The following CPNE8 variants were observed in gnomAD, a reference collection of about 807,000 sequenced individuals.
The protein encoded by CPNE8 is copine 8, also known as copine-8.
In CPNE8, 45 loss-of-function variants were observed where a neutral mutation model predicts 81.5. The observed-to-expected ratio is 0.55, with a 90% CI of 0.44 to 0.71. The LOEUF (loss-of-function observed/expected upper bound fraction) is 0.71. Among genes scored for constraint, CPNE8 ranks in the 30% least tolerant of loss-of-function variants. The pLI is 0.00. For missense variants in CPNE8, 594 were observed against 672.1 expected (o/e 0.88, Z 1.28); for synonymous variants, 252 against 226.3 (o/e 1.11, Z -1.02).
At chr12:38,885,982 C>T (rs1944232363) in intron 1 of CPNE8, among the ~76,000 whole-genome samples, 1 of 152,180 alleles carries the variant, frequency 6.6e-6, no homozygotes, top group South Asian at 2.1e-4. Context: ...ACCTGTACAG[C>T]ATACAGAACG....
At position 38,894,105 on chromosome 12, in the gene CPNE8, G is replaced by T. The variant is rs1187150262; in HGVS notation, c.98+11332C>A. Among the ~76,000 whole-genome samples the T allele has an allele frequency of 3.3e-5, 5 of 152,108 alleles. No individual in the cohort carries two copies. The East Asian group carries it at 9.7e-4, about 29-fold the overall frequency. On this transcript the variant is annotated intron_variant, in intron 1 of 19. Coordinates refer to ENST00000331366, the MANE Select transcript of CPNE8 (RefSeq NM_153634.3). The stretch of plus-strand genomic sequence containing the variant: ...TGACCAGAGACTCAACCTTTCTATA[G>T]GATCTAAGATCCAGTGAAGTGGCAT...
chr12:38,810,798 C>T (rs1942920458), intron 6 of CPNE8, among the ~76,000 whole-genome samples: 1 of 152,134 alleles, frequency 6.6e-6, no homozygotes, highest in South Asian at 2.1e-4. Flanking sequence ...CTGAGAGAGA[C>T]TTCACTTCCA....
At chr12:38,731,914 A>C (rs1438832040) in intron 10 of CPNE8, among the ~76,000 whole-genome samples, 1 of 151,490 alleles carries the variant, frequency 6.6e-6, no homozygotes, top group Non-Finnish European at 1.5e-5. Context: ...TGCACTCTTA[A>C]AATTTTCTGA....
chr12:38,852,586 G>A (rs1292770504), intron 3 of CPNE8, among the ~76,000 whole-genome samples: 1 of 152,104 alleles, frequency 6.6e-6, no homozygotes, highest in Non-Finnish European at 1.5e-5. Context: ...TGGGCAACAA[G>A]AGTGAAACTC....
At chr12:38,902,187 G>T (rs372001994) in intron 1 of CPNE8, among the ~76,000 whole-genome samples, 8 of 98,334 alleles carry the variant, frequency 8.1e-5, no homozygotes, top group African/African-American at 2.6e-4. Context: ...AGAGAAAAAA[G>T]AAAAGAGAAA....
At chr12:38,903,328 A>ATTT (rs56748675) in intron 1 of CPNE8, among the ~76,000 whole-genome samples, 7,812 of 151,750 alleles carry the variant, frequency 0.051, 644 homozygotes, top group African/African-American at 0.18. Flanking sequence ...CTCTTTCAGG[A>ATTT]TTTTTTTTTC....
chr12:38,713,969 ATC>A (rs1940324739), intron 13 of CPNE8, among the ~76,000 whole-genome samples: 1 of 152,114 alleles, frequency 6.6e-6, no homozygotes, highest in Non-Finnish European at 1.5e-5. Context: ...AAAATTTGTG[ATC>A]TGTTTTCCCC....
rs576441424 is a variant in CPNE8 at position 38,782,190 on chromosome 12, T to C, written c.408-5889A>G. On this transcript the variant is annotated intron_variant, in intron 6 of 19. Coordinates refer to ENST00000331366, the MANE Select transcript of CPNE8 (RefSeq NM_153634.3). ...GAATTTTCTGTACTATTGTAACTTT[T>C]CTATAAACATAAAACTATTCTAAAA... Among the ~76,000 whole-genome samples, 144 of 152,274 alleles carry C rather than the reference T, an allele frequency of 9.5e-4. 1 individual carries two copies. Among genetic ancestry groups the C allele is most frequent in the African/African-American group, 3.3e-3 (138 of 41,580 alleles).
chr12:38,879,784 G>A lies in CPNE8; in HGVS notation c.99-5273C>T, dbSNP rs189196485. Reference sequence around the variant, plus strand: ...CAGAGTAAAGGCAATTTTGCTATTTGTGATCTTTTTAAAGTTCTAATTTAA... The same window carrying A: ...CAGAGTAAAGGCAATTTTGCTATTTATGATCTTTTTAAAGTTCTAATTTAA... On this transcript the variant is annotated intron_variant, in intron 1 of 19. Transcript: ENST00000331366. Among the ~76,000 whole-genome samples the A allele has an allele frequency of 3.0e-4, 46 of 151,920 alleles. 1 individual carries two copies. The highest frequency in any genetic ancestry group is 5.2e-4 in the Non-Finnish European group (35 of 67,958).
intron 11 of CPNE8, among the ~76,000 whole-genome samples, chr12:38,727,061 G>C (rs1940717788): frequency 6.6e-6 from 1 of 152,270 alleles, no homozygotes; most frequent in East Asian, 1.9e-4. Flanking sequence ...GAATGATAGA[G>C]TAAGGCCCTC....
chr12:38,887,911 C>G (rs1034199071), intron 1 of CPNE8, among the ~76,000 whole-genome samples: 1 of 152,166 alleles, frequency 6.6e-6, no homozygotes, highest in Non-Finnish European at 1.5e-5. Flanking sequence ...AAGCAGTAAC[C>G]ACATTTCAGC....
chr12:38,812,760 T>G (rs1304767266), intron 6 of CPNE8, among the ~76,000 whole-genome samples: 1 of 152,224 alleles, frequency 6.6e-6, no homozygotes, highest in Non-Finnish European at 1.5e-5. Context: ...CTTCTCACTC[T>G]TCTGCTCTTC....
chr12:38,685,377 G>T, intron 16 of CPNE8, 113 bp downstream of exon 16: 1 of 1,129,714 alleles, frequency 8.9e-7, no homozygotes, highest in South Asian at 1.7e-5. Context: ...CACTTTCTTG[G>T]AGGTAAACTA....
Position 38,760,870 on chromosome 12 carries a change from C to A in CPNE8, c.699G>T (p.Val233=). ...GDYDRTIKVE[V]YDWDRDGSHD... ...ACCTTCCATCTCGGTCCCAGTCATA[C>A]ACCTCTACTTTGATTGTTCTGTACA... Residue 233 remains valine (V), a synonymous_variant, in exon 10 of 20, where the codon GTG becomes GTT. Transcript: ENST00000331366. 1 of 1,580,954 alleles carries A rather than the reference C, an allele frequency of 6.3e-7. No individual in the cohort carries two copies. The highest frequency in any genetic ancestry group is 8.6e-7 in the Non-Finnish European group (1 of 1,169,118).
At chr12:38,720,405 T>G (rs1217809311) in intron 13 of CPNE8, among the ~76,000 whole-genome samples, 1 of 152,194 alleles carries the variant, frequency 6.6e-6, no homozygotes, top group Non-Finnish European at 1.5e-5. Flanking sequence ...TTTATACTGA[T>G]AGACTCACAC....
At chr12:38,682,488 G>A (rs937696856) in intron 16 of CPNE8, among the ~76,000 whole-genome samples, 1 of 152,172 alleles carries the variant, frequency 6.6e-6, no homozygotes, top group African/African-American at 2.4e-5. Context: ...AACCTGGGAA[G>A]CAGAGGTTGC....
chr12:38,797,463 C>T (rs553265835), intron 6 of CPNE8, among the ~76,000 whole-genome samples: 2 of 152,310 alleles, frequency 1.3e-5, no homozygotes, highest in South Asian at 4.1e-4. Context: ...CTCCAGCAAA[C>T]TCCAACAGAC....
chr12:38,852,679 CAT>C (rs760455389), intron 3 of CPNE8, among the ~76,000 whole-genome samples: 78 of 152,116 alleles, frequency 5.1e-4, no homozygotes, highest in Middle Eastern at 6.8e-3. Flanking sequence ...AGGACACAGA[CAT>C]GTGTTTGATT....
chr12:38,827,026 A>T (rs1943208728), intron 6 of CPNE8, among the ~76,000 whole-genome samples: 1 of 150,910 alleles, frequency 6.6e-6, no homozygotes, highest in Non-Finnish European at 1.5e-5. Context: ...AAAAAAAAAA[A>T]AAAAAATTAG....
Sources: gnomAD v4.1 joint callset for allele counts (sites outside exome capture counted in the v4.1 genomes callset) on GRCh38, gnomAD v4.1.1 for gene constraint, MANE v1.5 for transcripts, NCBI Gene and HGNC (gene_info 2026-07-23, HGNC 2026-07-21) for gene names.